TMEM272: variants seen among roughly 807,000 people sequenced by gnomAD.
The protein encoded by TMEM272 is long intergenic non-protein coding RNA 282.
TMEM272 carries 8 observed loss-of-function variants against 3.7 expected under a neutral mutation model. The observed-to-expected ratio is 2.17, with a 90% confidence interval of 1.27 to 3.91. The LOEUF (loss-of-function observed/expected upper bound fraction) is 3.91, where lower values mean the gene tolerates loss of function less well. Ranked by LOEUF, TMEM272 falls within the 30% of genes most tolerant of loss-of-function variation. TMEM272 has a pLI of 0.00. For synonymous variants in TMEM272, 63 were observed against 39.8 expected (o/e 1.58, Z -2.20); for missense variants, 166 against 91.5 (o/e 1.81, Z -3.32).
the TMEM272 span, among the ~76,000 whole-genome samples, chr13:51,888,793 C>T: frequency 6.6e-6 from 1 of 151,686 alleles, no homozygotes; most frequent in Admixed American, 6.6e-5. Flanking sequence ...TTACAGGCAC[C>T]TGCCACCACG....
At chr13:51,857,929 C>T in the TMEM272 span, among the ~76,000 whole-genome samples, 1 of 151,870 alleles carries the variant, frequency 6.6e-6, no homozygotes, top group Non-Finnish European at 1.5e-5. Context: ...AAAGATACAC[C>T]ATGCAAACAC....
the TMEM272 span, among the ~76,000 whole-genome samples, chr13:51,850,764 CCTTTT>C: frequency 6.6e-6 from 1 of 151,736 alleles, no homozygotes; most frequent in Non-Finnish European, 1.5e-5. Flanking sequence ...TCATTGTATC[CCTTTT>C]CTTTTATACT....
At chr13:51,919,703 C>G in the TMEM272 span, among the ~76,000 whole-genome samples, 1 of 152,222 alleles carries the variant, frequency 6.6e-6, no homozygotes, top group Non-Finnish European at 1.5e-5. Flanking sequence ...CCTAAGCAGA[C>G]GTCTCGGCTG....
the TMEM272 span, chr13:51,909,296 A>G: frequency 1.2e-5 from 11 of 955,264 alleles, no homozygotes; most frequent in African/African-American, 1.1e-4. Flanking sequence ...AAAAAAGAAT[A>G]GTTCTCTCAA....
the TMEM272 span, among the ~76,000 whole-genome samples, chr13:51,886,062 C>T: frequency 1.4e-4 from 22 of 152,298 alleles, no homozygotes; most frequent in East Asian, 5.8e-4. Flanking sequence ...TCAGCTTCCC[C>T]GCCTGGTACC....
chr13:51,871,192 C>CT, the TMEM272 span, among the ~76,000 whole-genome samples: 58,763 of 137,466 alleles, frequency 0.43, 13,832 homozygotes, highest in Non-Finnish European at 0.54. Context: ...CAGAGTATGA[C>CT]TTTTTTTTTT....
At chr13:51,883,954 T>C in the TMEM272 span, among the ~76,000 whole-genome samples, 2 of 152,252 alleles carry the variant, frequency 1.3e-5, no homozygotes, top group South Asian at 2.1e-4. Flanking sequence ...GTAACTAAAA[T>C]ACTTTAAAAA....
intron 4 of TMEM272, among the ~76,000 whole-genome samples, chr13:51,819,810 G>A (rs1168017211): frequency 2.0e-5 from 3 of 152,166 alleles, no homozygotes; most frequent in Non-Finnish European, 4.4e-5. Flanking sequence ...GGTGATGTGG[G>A]AAGATGAGGG....
the TMEM272 span, among the ~76,000 whole-genome samples, chr13:51,913,132 G>T: frequency 2.4e-3 from 364 of 152,264 alleles, 3 homozygotes; most frequent in African/African-American, 8.4e-3. Flanking sequence ...TAAAGCTAAC[G>T]CTTCGTGTGG....
At chr13:51,931,453 C>T in the TMEM272 span, among the ~76,000 whole-genome samples, 3 of 150,890 alleles carry the variant, frequency 2.0e-5, no homozygotes, top group South Asian at 2.1e-4. Flanking sequence ...AACACATGGA[C>T]GCAGGGAGGG....
At chr13:51,817,218 AGAG>A (rs1956040569) in intron 4 of TMEM272, 105 bp from the exon 5 acceptor site, 4 of 605,776 alleles carry the variant, frequency 6.6e-6, no homozygotes, top group South Asian at 5.8e-5. Flanking sequence ...GGAGAGAGAA[AGAG>A]GAGAGAGAGG....
chr13:51,869,521 G>A, the TMEM272 span, among the ~76,000 whole-genome samples: 1 of 141,216 alleles, frequency 7.1e-6, no homozygotes, highest in Non-Finnish European at 1.5e-5. Context: ...ATGGAGTCTC[G>A]CCCTGTCGCC....
chr13:51,856,208 G>A, the TMEM272 span, among the ~76,000 whole-genome samples: 1 of 152,106 alleles, frequency 6.6e-6, no homozygotes, highest in Non-Finnish European at 1.5e-5. Context: ...CATGGATTCA[G>A]GCAGGATCAG....
chr13:51,871,809 C>T, the TMEM272 span, among the ~76,000 whole-genome samples: 12 of 146,776 alleles, frequency 8.2e-5, no homozygotes, highest in Non-Finnish European at 1.8e-4. Context: ...CACACACACA[C>T]ACACACACAC....
chr13:51,847,388 T>A (rs371903150), upstream of TMEM272, among the ~76,000 whole-genome samples: 237 of 152,268 alleles, frequency 1.6e-3, 1 homozygote, highest in South Asian at 3.3e-3. Context: ...ACACTCCTTA[T>A]GAGAATCTAA....
At chr13:51,860,818 A>AGTGTGTGTGT in the TMEM272 span, among the ~76,000 whole-genome samples, 643 of 144,234 alleles carry the variant, frequency 4.5e-3, 5 homozygotes, top group East Asian at 0.024. Context: ...TATATATAGA[A>AGTGTGTGTGT]GTGTGTGTGT....
At chr13:51,842,695 A>G (rs112866178) in intron 1 of TMEM272, among the ~76,000 whole-genome samples, 1 of 152,230 alleles carries the variant, frequency 6.6e-6, no homozygotes, top group African/African-American at 2.4e-5. Flanking sequence ...TGGTTGCAAT[A>G]ATCAGGCACA....
chr13:51,857,969 T>C, the TMEM272 span, among the ~76,000 whole-genome samples: 1 of 152,182 alleles, frequency 6.6e-6, no homozygotes, highest in South Asian at 2.1e-4. Context: ...TATACTAAGA[T>C]CAAAGTAGAA....
the TMEM272 span, among the ~76,000 whole-genome samples, chr13:51,919,121 C>T: frequency 6.6e-6 from 1 of 152,214 alleles, no homozygotes; most frequent in African/African-American, 2.4e-5. Context: ...TGCCAGTGGC[C>T]AGTGCCGAGG....
Sources: gnomAD v4.1 joint callset for allele counts (sites outside exome capture counted in the v4.1 genomes callset) on GRCh38, gnomAD v4.1.1 for gene constraint, MANE v1.5 for transcripts, NCBI Gene and HGNC (gene_info 2026-07-23, HGNC 2026-07-21) for gene names.